AP2M1: variants seen among roughly 807,000 people sequenced by gnomAD.
AP2M1 encodes AP-2 complex subunit mu.
In AP2M1, 5 loss-of-function variants were observed where a neutral mutation model predicts 54.5. The ratio of observed to expected loss-of-function variants is 0.09; its 90% CI spans 0.05 to 0.19. AP2M1 has a LOEUF of 0.19. Ranked by LOEUF, AP2M1 falls within the 10% of genes least tolerant of loss-of-function variation. AP2M1 has a pLI of 1.00. For synonymous variants in AP2M1, 186 were observed against 208.2 expected (o/e 0.89, Z 0.92); for missense variants, 178 against 580.2 (o/e 0.31, Z 7.12).
intron 3 of AP2M1, 82 bp downstream of exon 3, chr3:184,179,204 C>G (rs1715188010): frequency 1.3e-6 from 2 of 1,523,930 alleles, no homozygotes; most frequent in African/African-American, 2.7e-5. Flanking sequence ...GGGTGTAGGT[C>G]CGAGGCTCTG....
chr3:184,182,169 C>T lies in AP2M1; in HGVS notation c.982C>T (p.Leu328=), dbSNP rs752355969. ...CTTCTAGGTGAGGATCCCAACCCCACTGAACACAAGCGGGGTGCAGGTGAT... is the reference window on the plus strand; with the variant it reads ...CTTCTAGGTGAGGATCCCAACCCCATTGAACACAAGCGGGGTGCAGGTGAT... ...QKIEVRIPTP[L]NTSGVQVICM... Residue 328 remains leucine, a synonymous_variant, in exon 10 of 12, where the codon CTG becomes TTG. Coordinates refer to ENST00000292807, the MANE Select transcript of AP2M1 (RefSeq NM_004068.4). This position sits in a 1 kb window ranked among gnomAD's most constrained non-coding sequence, Gnocchi z 5.5. 6.2e-7 allele frequency: 1 copy of T among 1,614,198 alleles called. No individual in the cohort carries two copies. The highest frequency in any genetic ancestry group is 8.5e-7 in the Non-Finnish European group (1 of 1,180,012).
chr3:184,180,703 C>T lies in AP2M1; in HGVS notation c.429+53C>T, dbSNP rs2109030864. 2 of 1,614,212 alleles carry T rather than the reference C, an allele frequency of 1.2e-6. No homozygotes were observed. The highest frequency in any genetic ancestry group is 2.2e-5 in the East Asian group (1 of 44,878). ...TGCAGCTTTGCTTTGTTTCTCCAGG[C>T]CCTGCCCTTTGGGGCTTATAGGGGA... On this transcript the variant is annotated intron_variant, in intron 5 of 11. Coordinates refer to ENST00000292807, the MANE Select transcript of AP2M1 (RefSeq NM_004068.4). This position sits in a 1 kb window ranked among gnomAD's most constrained non-coding sequence, Gnocchi z 4.9.
In AP2M1 at chr3:184,182,398, C is replaced by A. The variant is rs1445042715; in HGVS notation, c.1061+150C>A. 6.3e-6 allele frequency: 5 copies of A among 796,966 alleles called. No homozygotes were observed. The highest frequency in any genetic ancestry group is 1.7e-5 in the African/African-American group (1 of 57,450). 49.4% of individuals were successfully genotyped at this position (796,966 alleles called of 1,614,324 possible). On this transcript the variant is annotated intron_variant, in intron 10 of 11. Coordinates refer to ENST00000292807, the MANE Select transcript of AP2M1 (RefSeq NM_004068.4). The surrounding 1 kb of genome is among the most constrained non-coding windows in gnomAD (Gnocchi z 5.5). Reference sequence around the variant, plus strand: ...GCTTGTACTGTCAGTCTTTATACCTCCATGTGAGTATGTACACGCCTGCAT... The same window carrying A: ...GCTTGTACTGTCAGTCTTTATACCTACATGTGAGTATGTACACGCCTGCAT...
At position 184,182,055 on chromosome 3, in the gene AP2M1, CA is replaced by C. The variant is rs754435714; in HGVS notation, c.963+9del. ...CTGGCTCAGAAGATCGAGGTGAGGA[CA>C]GGGGGCTCAAGGAGGAGGAAGAACT... is the stretch of plus-strand genomic sequence containing the variant. On this transcript the variant is annotated intron_variant, in intron 9 of 11. Transcript: ENST00000292807. The surrounding 1 kb of genome is among the most constrained non-coding windows in gnomAD (Gnocchi z 5.5). The C allele has an allele frequency of 6.8e-6, 11 of 1,612,862 alleles. No homozygotes were observed. The East Asian group carries it at 1.6e-4, about 23-fold the overall frequency.
rs1226917382 is a variant in AP2M1, at chr3:184,182,299, C to T, written c.1061+51C>T. The T allele has an allele frequency of 1.3e-6, 2 of 1,572,268 alleles. No homozygotes were observed. Among genetic ancestry groups the T allele is most frequent in the East Asian group, 2.3e-5 (1 of 43,972 alleles). On this transcript the variant is annotated intron_variant, in intron 10 of 11. Transcript: ENST00000292807. This position sits in a 1 kb window ranked among gnomAD's most constrained non-coding sequence, Gnocchi z 5.5. ...AGCAGGGCTCAAGATCCCAGTATAC[C>T]CTCTTGTTTTCAGCTTTGATCCTTC...
chr3:184,181,574 C>T lies in AP2M1; in HGVS notation c.708-122C>T. On this transcript the variant is annotated intron_variant, in intron 7 of 11. Coordinates refer to ENST00000292807, the MANE Select transcript of AP2M1 (RefSeq NM_004068.4). The surrounding 1 kb of genome is among the most constrained non-coding windows in gnomAD (Gnocchi z 5.7). The stretch of plus-strand genomic sequence containing the variant: ...CAAGCTCTGGGGCAGACCTCCGAGT[C>T]ACAAAGCTGCATTCTAGCAGCTTTT... The T allele has an allele frequency of 2.2e-6, 3 of 1,375,444 alleles. No homozygotes were observed. The highest frequency in any genetic ancestry group is 2.3e-5 in the East Asian group (1 of 43,300). The allele number at this position is 1,375,444 out of a possible 1,614,324, so 85.2% of individuals were successfully genotyped here.
Position 184,179,421 on chromosome 3 carries a change from T to C in AP2M1, c.340+299T>C. ...TATTCATCCTCTTTCCTTTGTGGCT[T>C]GGACCTTAGTTCACTAACTGTCCAC... On this transcript the variant is annotated intron_variant, in intron 3 of 11. Transcript: ENST00000292807. 1.6e-5 allele frequency: 6 copies of C among 384,228 alleles called. No individual in the cohort carries two copies. In the South Asian group the frequency reaches 1.7e-4, roughly 11 times the overall value. 23.8% of individuals were successfully genotyped at this position (384,228 alleles called of 1,614,324 possible).
At chr3:184,179,298 A>C in intron 3 of AP2M1, 176 bp downstream of exon 3, 2 of 755,536 alleles carry the variant, frequency 2.6e-6, no homozygotes, top group Non-Finnish European at 4.2e-6. Flanking sequence ...TCACATCCAG[A>C]CCTGAAGGCT....
intron 2 of AP2M1, chr3:184,177,855 G>A (rs1261106077): frequency 1.7e-6 from 1 of 593,634 alleles, no homozygotes; most frequent in African/African-American, 1.9e-5. Context: ...TTGAGATAAA[G>A]TCACAGAATG....
rs552707379 is a variant in AP2M1, at chr3:184,183,943, G to A, written c.*327G>A. The A allele has an allele frequency of 3.5e-6, 1 of 283,068 alleles. No individual in the cohort carries two copies. The highest frequency in any genetic ancestry group is 4.6e-5 in the South Asian group (1 of 21,642). The allele number at this position is 283,068 out of a possible 1,614,324, so 17.5% of individuals were successfully genotyped here. A position where few individuals can be genotyped will look rare whatever the true frequency, so the allele number is the denominator to read the frequency against. ...TGTGGCCACAGCTCTGGAGTGGGAG[G>A]GTTGGTTGCCCCTCACCTCAGAGCT... On this transcript the variant is annotated 3_prime_UTR_variant, in exon 12 of 12. Coordinates refer to ENST00000292807, the MANE Select transcript of AP2M1 (RefSeq NM_004068.4). The surrounding 1 kb of genome is among the most constrained non-coding windows in gnomAD (Gnocchi z 5.7).
Position 184,177,073 on chromosome 3 carries a change from T to C in AP2M1, c.74+6T>C, listed in dbSNP as rs2109028371. On this transcript the variant is annotated splice_donor_region_variant and intron_variant, in intron 2 of 11. Transcript: ENST00000292807. ...GTCTACCGAGATGACATCGGGTGAG[T>C]CCCCTGGCGGAGCCAGCTGTGCCCC... The C allele has an allele frequency of 6.2e-7, 1 of 1,612,470 alleles. No individual in the cohort carries two copies. Among genetic ancestry groups the C allele is most frequent in the Non-Finnish European group, 8.5e-7 (1 of 1,179,372 alleles).
chr3:184,179,950 T>G (rs1560126428), intron 3 of AP2M1: 1 of 585,764 alleles, frequency 1.7e-6, no homozygotes, highest in Non-Finnish European at 3.0e-6. Flanking sequence ...CATGAGCCAC[T>G]GCACCTGGCC....
At position 184,179,017 on chromosome 3, in the gene AP2M1, T is replaced by C; in HGVS notation, c.235T>C (p.Phe79Leu). The C allele has an allele frequency of 6.2e-7, 1 of 1,614,196 alleles. No individual in the cohort carries two copies. The highest frequency in any genetic ancestry group is 8.5e-7 in the Non-Finnish European group (1 of 1,180,034). The change falls in exon 3 of 12, where the codon TTC (phenylalanine) becomes CTC (leucine). Residue 79 changes from phenylalanine to leucine, a missense_variant. Physicochemically the swap from Phe to Leu is conservative, Grantham distance 22. Transcript: ENST00000292807. The part of the protein sequence containing the change: ...TKQNVNAAMV[F>L]EFLYKMCDVM... ...GCAGAATGTCAACGCTGCCATGGTC[T>C]TCGAATTCCTCTATAAGATGTGTGA...
rs1715352683 is a variant in AP2M1 at position 184,183,830 on chromosome 3, C to T, written c.*214C>T. 1 of 550,146 alleles carries T rather than the reference C, an allele frequency of 1.8e-6. No homozygotes were observed. Among genetic ancestry groups the T allele is most frequent in the Non-Finnish European group, 3.2e-6 (1 of 308,594 alleles). The allele number at this position is 550,146 out of a possible 1,614,324, so 34.1% of individuals were successfully genotyped here. A position where few individuals can be genotyped will look rare whatever the true frequency, so the allele number is the denominator to read the frequency against. Reference sequence around the variant, plus strand: ...GGGCAGGGGAGTTCTGAGGCTCCTGCTCTCCCATCCACCTGTCTGTCCTGG... The same window carrying T: ...GGGCAGGGGAGTTCTGAGGCTCCTGTTCTCCCATCCACCTGTCTGTCCTGG... On this transcript the variant is annotated 3_prime_UTR_variant, in exon 12 of 12. Coordinates refer to ENST00000292807, the MANE Select transcript of AP2M1 (RefSeq NM_004068.4). The surrounding 1 kb of genome is among the most constrained non-coding windows in gnomAD (Gnocchi z 5.7).
chr3:184,180,446 CTA>C lies in AP2M1; in HGVS notation c.423+197_424-196del, dbSNP rs1311180080. ...TGCAGGAGCAGCCAATTCAGCATCTCTATTACCAGGAATACAGCTCAAGCAGT... is the reference window on the plus strand; with the variant it reads ...TGCAGGAGCAGCCAATTCAGCATCTCTTACCAGGAATACAGCTCAAGCAGT... On this transcript the variant is annotated intron_variant, in intron 4 of 11. Coordinates refer to ENST00000292807, the MANE Select transcript of AP2M1 (RefSeq NM_004068.4). The surrounding 1 kb of genome is among the most constrained non-coding windows in gnomAD (Gnocchi z 4.9). 1 of 1,047,524 alleles carries C rather than the reference CTA, an allele frequency of 9.5e-7. No individual in the cohort carries two copies. The highest frequency in any genetic ancestry group is 1.6e-5 in the African/African-American group (1 of 62,070). The allele number at this position is 1,047,524 out of a possible 1,614,324, so 64.9% of individuals were successfully genotyped here.
In AP2M1 at chr3:184,181,373, A is replaced by G; in HGVS notation, c.707+147A>G. On this transcript the variant is annotated intron_variant, in intron 7 of 11. Transcript: ENST00000292807. The surrounding 1 kb of genome is among the most constrained non-coding windows in gnomAD (Gnocchi z 5.7). ...GTAAGCCTGGCTGTTCGCTCTTGAC[A>G]TTAGTGCTACGAGAGATGAGGGGAT... 2.4e-6 allele frequency: 3 copies of G among 1,247,022 alleles called. No individual in the cohort carries two copies. Among genetic ancestry groups the G allele is most frequent in the South Asian group, 1.4e-5 (1 of 71,364 alleles). 77.2% of individuals were successfully genotyped at this position (1,247,022 alleles called of 1,614,324 possible).
rs1715325973 is a variant in AP2M1 at position 184,183,030 on chromosome 3, G to T, written c.1173+162G>T. On this transcript the variant is annotated intron_variant, in intron 11 of 11. Transcript: ENST00000292807. This position sits in a 1 kb window ranked among gnomAD's most constrained non-coding sequence, Gnocchi z 5.7. ...CATTCTTCCCCTTTCAAGCCTCTTA[G>T]TAGAAATTACTATTTGTGATGAGGC... is the stretch of plus-strand genomic sequence containing the variant. The T allele has an allele frequency of 1.4e-6, 1 of 708,092 alleles. No homozygotes were observed. The highest frequency in any genetic ancestry group is 1.8e-5 in the African/African-American group (1 of 56,798). The allele number at this position is 708,092 out of a possible 1,614,324, so 43.9% of individuals were successfully genotyped here.
intron 1 of AP2M1, among the ~76,000 whole-genome samples, chr3:184,176,306 C>G (rs2109027821): frequency 6.6e-6 from 1 of 152,276 alleles, no homozygotes; most frequent in Admixed American, 6.5e-5. Flanking sequence ...TAGGACCTTC[C>G]TCCTGTGCCC....
chr3:184,179,468 T>G, intron 3 of AP2M1: 1 of 301,666 alleles, frequency 3.3e-6, no homozygotes, highest in Non-Finnish European at 6.3e-6. Context: ...TCTCAGCAGC[T>G]GCTTCAGAGC....
Sources: allele counts gnomAD v4.1 joint callset (sites outside exome capture counted in the v4.1 genomes callset), GRCh38; gene constraint gnomAD v4.1.1; non-coding constraint Gnocchi (gnomAD v3.1); transcripts MANE v1.5; gene names NCBI Gene and HGNC (gene_info 2026-07-23, HGNC 2026-07-21).